AP4M1: variants seen among roughly 807,000 people sequenced by gnomAD.
The protein encoded by AP4M1 is adaptor related protein complex 4 subunit mu 1, also known as AP-4 complex subunit mu-1.
A neutral mutation model predicts 62.4 loss-of-function variants in AP4M1; 58 were observed. The ratio of observed to expected loss-of-function variants is 0.93; its 90% CI spans 0.75 to 1.16. The LOEUF is 1.16. Ranked by LOEUF, AP4M1 falls within the 50% of genes most tolerant of loss-of-function variation. AP4M1 has a pLI of 0.00. For synonymous variants in AP4M1, 290 were observed against 239.7 expected (o/e 1.21, Z -1.94); for missense variants, 626 against 585.4 (o/e 1.07, Z -0.72).
At chr7:100,105,406 G>A (rs369874184) in intron 10 of AP4M1, 39 bp from the exon 11 acceptor site, 27 of 1,612,672 alleles carry the variant, frequency 1.7e-5, no homozygotes, top group South Asian at 9.9e-5. Flanking sequence ...CAGTGGGGTC[G>A]TGAGACCAAA....
chr7:100,101,341 G>A (rs771176295), upstream of AP4M1: 5 of 1,611,310 alleles, frequency 3.1e-6, no homozygotes, highest in Non-Finnish European at 4.2e-6. Flanking sequence ...CAGAGGTCTT[G>A]CTCCTGGGGA....
At chr7:100,104,843 A>G (rs776687561) in intron 7 of AP4M1, 31 bp from the exon 8 acceptor site, 1 of 1,613,514 alleles carries the variant, frequency 6.2e-7, no homozygotes, top group Non-Finnish European at 8.5e-7. Context: ...AAAGAAAAAA[A>G]GACTCTAACC....
chr7:100,103,170 C>G (rs1584509335), intron 4 of AP4M1: 2 of 648,276 alleles, frequency 3.1e-6, no homozygotes, highest in African/African-American at 1.8e-5. Context: ...CTCCTGGGCT[C>G]AAGCCGTCCT....
At position 100,102,979 on chromosome 7, in the gene AP4M1, C is replaced by T. The variant is rs770065980; in HGVS notation, c.351+19C>T. The T allele has an allele frequency of 1.7e-5, 28 of 1,605,206 alleles. No homozygotes were observed. The highest frequency in any genetic ancestry group is 2.4e-5 in the Non-Finnish European group (28 of 1,172,424). On this transcript the variant is annotated intron_variant, in intron 4 of 14. Transcript: ENST00000359593. ...AGTGCTGGTGAGAATCAACAATCCC[C>T]TTCTGTGGCCCCTACCCAATTCCCC...
chr7:100,104,983 G>C, intron 8 of AP4M1, 43 bp downstream of exon 8: 1 of 1,614,012 alleles, frequency 6.2e-7, no homozygotes. Context: ...GGTTAGGGCG[G>C]GTTCCTTGGT....
At chr7:100,101,522 G>A, upstream of AP4M1, 1 of 789,762 alleles carries the variant, frequency 1.3e-6, no homozygotes, top group Non-Finnish European at 2.1e-6. Flanking sequence ...GAGTGACGGG[G>A]AGGCGGTGCG....
chr7:100,102,547 A>G (rs1005195211), intron 2 of AP4M1, 128 bp from the exon 3 acceptor site: 6 of 784,014 alleles, frequency 7.7e-6, no homozygotes, highest in Admixed American at 2.0e-5. Context: ...GGCATATGTC[A>G]TGTATCTCCC....
upstream of AP4M1, chr7:100,101,123 G>A (rs1009200890): frequency 3.7e-6 from 4 of 1,069,188 alleles, no homozygotes; most frequent in African/African-American, 1.6e-5. Flanking sequence ...GCCTTAGCCA[G>A]GCCGCAGCTC....
At chr7:100,106,355 T>G in intron 13 of AP4M1, 48 bp from the exon 14 acceptor site, 1 of 1,612,882 alleles carries the variant, frequency 6.2e-7, no homozygotes, top group South Asian at 1.1e-5. Context: ...ATGACGGGTC[T>G]GCCTCAAGAA....
intron 7 of AP4M1, among the ~76,000 whole-genome samples, chr7:100,104,475 G>A (rs993348884): frequency 2.0e-5 from 3 of 151,970 alleles, no homozygotes; most frequent in African/African-American, 7.3e-5. Context: ...AGTAAGCCAA[G>A]ATCGAGTCAC....
upstream of AP4M1, chr7:100,101,228 C>A: frequency 6.2e-7 from 1 of 1,612,460 alleles, no homozygotes; most frequent in South Asian, 1.1e-5. Context: ...GGAGGCTCCC[C>A]GCGCAGGACG....
rs1317654604 is a variant in AP4M1 at position 100,103,501 on chromosome 7, C to T, written c.444C>T (p.Asp148=). 2.5e-6 allele frequency: 4 copies of T among 1,614,188 alleles called. No homozygotes were observed. The highest frequency in any genetic ancestry group is 3.4e-6 in the Non-Finnish European group (4 of 1,180,024). The change falls in exon 5 of 15, where the codon GAC becomes GAT. Residue 148 remains aspartate (D), a synonymous_variant. Transcript: ENST00000359593. ...AVVSKPFSLF[D]LSSVGLFGAE... ...TCAGCAAGCCCTTCAGCCTCTTTGA[C>T]CTCAGCAGCGTTGGCTTGGTCAGTA...
At chr7:100,104,226 TC>T in intron 7 of AP4M1, 72 bp downstream of exon 7, 2 of 1,346,534 alleles carry the variant, frequency 1.5e-6, no homozygotes, top group African/African-American at 1.4e-5. Flanking sequence ...TGGCTAAGAC[TC>T]CCAGCAACGG....
upstream of AP4M1, chr7:100,100,830 C>T (rs1795965845): frequency 3.0e-6 from 3 of 1,005,220 alleles, no homozygotes; most frequent in African/African-American, 1.7e-5. Flanking sequence ...CGGCCAATCC[C>T]GGCGCGCAGC....
At position 100,108,186 on chromosome 7, in the gene AP4M1, G is replaced by A. The variant is rs1796762032; in HGVS notation, c.*1304G>A. 2.0e-6 allele frequency: 3 copies of A among 1,520,530 alleles called. No homozygotes were observed. Among genetic ancestry groups the A allele is most frequent in the Non-Finnish European group, 2.6e-6 (3 of 1,133,000 alleles). The allele number at this position is 1,520,530 out of a possible 1,614,324, so 94.2% of individuals were successfully genotyped here. A position where few individuals can be genotyped will look rare whatever the true frequency, so the allele number is the denominator to read the frequency against. ...TACTAAGAAGAGGAGTCTGAAGGGA[G>A]AGGCCTGGGCTCCCCTCGCTCTTCC... On this transcript the variant is annotated 3_prime_UTR_variant, in exon 15 of 15. Coordinates refer to ENST00000359593, the MANE Select transcript of AP4M1 (RefSeq NM_004722.4).
chr7:100,108,092 G>A lies in AP4M1; in HGVS notation c.*1210G>A, dbSNP rs1184781564. On this transcript the variant is annotated 3_prime_UTR_variant, in exon 15 of 15. Coordinates refer to ENST00000359593, the MANE Select transcript of AP4M1 (RefSeq NM_004722.4). ...GCCAGGGGTGCGAGGGCCAGGCTGT[G>A]GGGCCTGCGAGAGGGTCAGCGTGGG... 1 of 1,609,134 alleles carries A rather than the reference G, an allele frequency of 6.2e-7. No individual in the cohort carries two copies. Among genetic ancestry groups the A allele is most frequent in the East Asian group, 2.2e-5 (1 of 44,756 alleles).
rs1355691491 is a variant in AP4M1 at position 100,106,495 on chromosome 7, A to G, written c.1118A>G (p.Gln373Arg). 4 of 1,613,452 alleles carry G rather than the reference A, an allele frequency of 2.5e-6. No individual in the cohort carries two copies. The South Asian group carries it at 4.4e-5, about 18-fold the overall frequency. ...WDLPRVQGGS[Q>R]LSGLFQMDVP... ...CTGCCTCGGGTGCAAGGAGGCTCTC[A>G]ACTCTCAGGCCTTTTCCAGGTATTC... The change falls in exon 14 of 15, where the codon CAA becomes CGA. Residue 373 changes from glutamine (Q) to arginine (R), a missense_variant. Physicochemically the swap from Gln to Arg is conservative, Grantham distance 43 (BLOSUM62 1). Coordinates refer to ENST00000359593, the MANE Select transcript of AP4M1 (RefSeq NM_004722.4).
Position 100,101,879 on chromosome 7 carries a change from G to GT in AP4M1, c.59dup (p.Arg21ProfsTer95). The GT allele has an allele frequency of 6.2e-7, 1 of 1,613,380 alleles. No homozygotes were observed. The highest frequency in any genetic ancestry group is 8.5e-7 in the Non-Finnish European group (1 of 1,179,954). ...CTTCACTGAGTCCTTCCACCCGCCA[G>GT]TCCGCGGGGACAGTGGCGGCCGGGA... is the stretch of plus-strand genomic sequence containing the variant. On this transcript the variant is annotated frameshift_variant and splice_region_variant. Coordinates refer to ENST00000359593, the MANE Select transcript of AP4M1 (RefSeq NM_004722.4). LOFTEE classifies it high-confidence loss of function.
Position 100,108,206 on chromosome 7 carries a change from T to C in AP4M1, c.*1324T>C, listed in dbSNP as rs1449628702. 6 of 1,476,156 alleles carry C rather than the reference T, an allele frequency of 4.1e-6. No homozygotes were observed. Among genetic ancestry groups the C allele is most frequent in the African/African-American group, 2.8e-5 (2 of 72,092 alleles). 91.4% of individuals were successfully genotyped at this position (1,476,156 alleles called of 1,614,324 possible). ...AGGGAGAGGCCTGGGCTCCCCTCGC[T>C]CTTCCTCAGTGGCTCTCACTAGGGC... On this transcript the variant is annotated 3_prime_UTR_variant, in exon 15 of 15. Coordinates refer to ENST00000359593, the MANE Select transcript of AP4M1 (RefSeq NM_004722.4).
Sources: gnomAD v4.1 joint callset for allele counts (sites outside exome capture counted in the v4.1 genomes callset) on GRCh38, gnomAD v4.1.1 for gene constraint, MANE v1.5 for transcripts, NCBI Gene and HGNC (gene_info 2026-07-23, HGNC 2026-07-21) for gene names.